TRPM6: variants seen among roughly 807,000 people sequenced by gnomAD.
TRPM6 encodes the protein channel kinase 2.
Under a neutral mutation model 247.6 loss-of-function variants are expected in TRPM6, and 111 were observed. The observed-to-expected ratio is 0.45, with a 90% CI of 0.38 to 0.52. The LOEUF is 0.52. TRPM6 is among the 20% of genes least tolerant of loss of function. TRPM6 has a pLI of 0.00. For synonymous variants in TRPM6, 892 were observed against 853.8 expected (o/e 1.04, Z -0.78); for missense variants, 2,126 against 2,421.5 (o/e 0.88, Z 2.56).
chr9:74,884,349 C>T (rs950087876), intron 1 of TRPM6, among the ~76,000 whole-genome samples: 10 of 151,924 alleles, frequency 6.6e-5, no homozygotes, highest in South Asian at 4.1e-4. Flanking sequence ...ATGAGCCGGG[C>T]GTGGTGGCGG....
chr9:74,875,317 T>A (rs964214094), intron 1 of TRPM6: 9 of 451,614 alleles, frequency 2.0e-5, no homozygotes, highest in African/African-American at 1.6e-4. Context: ...CCGAGGTGGG[T>A]GGATCACCTC....
intron 2 of TRPM6, among the ~76,000 whole-genome samples, chr9:74,857,381 A>G (rs1830558909): frequency 1.3e-5 from 2 of 152,318 alleles, no homozygotes; most frequent in African/African-American, 2.4e-5. Flanking sequence ...CCTTAAAGGC[A>G]TATAAGGACA....
At chr9:74,785,810 A>T (rs532827097) in intron 21 of TRPM6, 64 bp downstream of exon 21, 8 of 1,587,526 alleles carry the variant, frequency 5.0e-6, no homozygotes, top group Admixed American at 5.0e-5. Context: ...GGTGTGAGCC[A>T]CCACACCTGG....
chr9:74,729,102 AT>A (rs1825433478), intron 37 of TRPM6, among the ~76,000 whole-genome samples: 2 of 152,240 alleles, frequency 1.3e-5, no homozygotes, highest in Admixed American at 1.3e-4. Flanking sequence ...CATTCTTTGG[AT>A]TTTGACACTG....
intron 24 of TRPM6, among the ~76,000 whole-genome samples, chr9:74,773,441 C>A (rs1212043220): frequency 6.6e-6 from 1 of 152,186 alleles, no homozygotes; most frequent in Non-Finnish European, 1.5e-5. Flanking sequence ...CCTTCTCTGA[C>A]ACAATTATAA....
intron 23 of TRPM6, among the ~76,000 whole-genome samples, chr9:74,778,872 TG>T (rs1186322984): frequency 6.6e-6 from 1 of 152,018 alleles, no homozygotes; most frequent in Admixed American, 6.6e-5. Flanking sequence ...CCCTAGTGAC[TG>T]GGAGTGCACC....
At chr9:74,827,366 G>T (rs1829372905) in intron 7 of TRPM6, among the ~76,000 whole-genome samples, 1 of 151,948 alleles carries the variant, frequency 6.6e-6, no homozygotes, top group Non-Finnish European at 1.5e-5. Context: ...TCTGGCTTCG[G>T]GTTCCCTATG....
intron 1 of TRPM6, among the ~76,000 whole-genome samples, chr9:74,864,940 G>T (rs1830799645): frequency 6.6e-6 from 1 of 151,982 alleles, no homozygotes; most frequent in Non-Finnish European, 1.5e-5. Flanking sequence ...ACGCGCAGTC[G>T]TGGGCGCCTG....
chr9:74,761,652 C>A (rs1238631538), intron 27 of TRPM6, 44 bp downstream of exon 27: 1 of 1,249,444 alleles, frequency 8.0e-7, no homozygotes, highest in Non-Finnish European at 1.2e-6. Flanking sequence ...AGGCCACTAC[C>A]TTGACTGCTC....
chr9:74,765,094 C>T (rs1796419857), intron 25 of TRPM6, among the ~76,000 whole-genome samples: 1 of 152,184 alleles, frequency 6.6e-6, no homozygotes, highest in East Asian at 1.9e-4. Context: ...GAAACATAAT[C>T]TTACTATGCT....
At chr9:74,746,343 T>C (rs1157229207) in intron 31 of TRPM6, among the ~76,000 whole-genome samples, 1 of 152,026 alleles carries the variant, frequency 6.6e-6, no homozygotes, top group Non-Finnish European at 1.5e-5. Context: ...TGTGAAAAAA[T>C]GGAAGACAAG....
rs1437741662 is a variant in TRPM6 at position 74,834,055 on chromosome 9, T to C, written c.612A>G (p.Thr204=). The change falls in exon 6 of 39, where the codon ACA becomes ACG. Residue 204 remains threonine, a synonymous_variant. Coordinates refer to ENST00000360774, the MANE Select transcript of TRPM6 (RefSeq NM_017662.5). ...TGACACCCCAAGGAGGGATTCCAAC[T>C]GTCCAGATTTTTCTCAAGGAATGAG... is the stretch of plus-strand genomic sequence containing the variant. ...HSSHSLRKIW[T]VGIPPWGVIE... is the part of the protein sequence containing the mutation. 1.2e-6 allele frequency: 2 copies of C among 1,614,014 alleles called. No individual in the cohort carries two copies. Among genetic ancestry groups the C allele is most frequent in the African/African-American group, 1.3e-5 (1 of 74,930 alleles).
At chr9:74,725,995 T>C (rs183327246) in intron 38 of TRPM6, among the ~76,000 whole-genome samples, 89 of 152,198 alleles carry the variant, frequency 5.8e-4, no homozygotes, top group Non-Finnish European at 7.5e-4. Flanking sequence ...ATGCCCTTTA[T>C]ACTATCCTAA....
At chr9:74,867,156 G>A (rs1003190586) in intron 1 of TRPM6, among the ~76,000 whole-genome samples, 1 of 152,184 alleles carries the variant, frequency 6.6e-6, no homozygotes, top group Non-Finnish European at 1.5e-5. Context: ...ACAGAGACAT[G>A]TAGTTGAAAA....
rs1306358831 is a variant in TRPM6, at chr9:74,758,174, T to C, written c.4786-2701A>G. 3.3e-5 allele frequency among the ~76,000 whole-genome samples: 5 copies of C among 152,264 alleles called. No individual in the cohort carries two copies. In the South Asian group the frequency reaches 6.2e-4, roughly 19 times the overall value. The stretch of plus-strand genomic sequence containing the variant: ...GTTAAAAGCTTTCCCACAAAGATGG[T>C]TTCATTGGTTAATTCTACGAATACT... On this transcript the variant is annotated intron_variant, in intron 27 of 38. Coordinates refer to ENST00000360774, the MANE Select transcript of TRPM6 (RefSeq NM_017662.5).
chr9:74,778,880 C>T (rs1827319874), intron 23 of TRPM6, among the ~76,000 whole-genome samples: 1 of 152,082 alleles, frequency 6.6e-6, no homozygotes, highest in Non-Finnish European at 1.5e-5. Context: ...ACTGGGAGTG[C>T]ACCACCTCAC....
At position 74,781,469 on chromosome 9, in the gene TRPM6, G is replaced by C. The variant is rs570210349; in HGVS notation, c.3209+893C>G. On this transcript the variant is annotated intron_variant, in intron 23 of 38. Coordinates refer to ENST00000360774, the MANE Select transcript of TRPM6 (RefSeq NM_017662.5). ...GAGAATTGCTTGAACCCAGGAGGCA[G>C]AGGTTGCAGTGAGCTGGGGTCACAC... 2.8e-5 allele frequency among the ~76,000 whole-genome samples: 4 copies of C among 144,402 alleles called. No individual in the cohort carries two copies. In the East Asian group the frequency reaches 8.2e-4, roughly 29 times the overall value. The allele number at this position is 144,402 out of a possible 152,430, so 94.7% of individuals were successfully genotyped here.
rs1057515627 is a variant in TRPM6, at chr9:74,722,616, G to T, written c.*1997C>A. 6.6e-6 allele frequency: 1 copy of T among 152,174 alleles called. No individual in the cohort carries two copies. Among genetic ancestry groups the T allele is most frequent in the East Asian group, 1.9e-4 (1 of 5,188 alleles). The allele number at this position is 152,174 out of a possible 1,614,324, so 9.4% of individuals were successfully genotyped here. A position where few individuals can be genotyped will look rare whatever the true frequency, so the allele number is the denominator to read the frequency against. On this transcript the variant is annotated 3_prime_UTR_variant, in exon 39 of 39. Coordinates refer to ENST00000360774, the MANE Select transcript of TRPM6 (RefSeq NM_017662.5). ...GCAAACTCTGCCTCTTTCCATAGTT[G>T]AGTGCAGCACTGAGGTGAGTACCAA...
At position 74,858,140 on chromosome 9, in the gene TRPM6, G is replaced by C. The variant is rs186491928; in HGVS notation, c.113+529C>G. Among the ~76,000 whole-genome samples, 83 of 152,278 alleles carry C rather than the reference G, an allele frequency of 5.5e-4. 2 individuals carry two copies. Among genetic ancestry groups the C allele is most frequent in the Admixed American group, 5.1e-3 (78 of 15,292 alleles). ...TCGGTGGCTCACGCCTGTAATCCCA[G>C]CACTTTGGGAGGCCGAGGTGGGTGG... On this transcript the variant is annotated intron_variant, in intron 2 of 38. Transcript: ENST00000360774.
Sources: gnomAD v4.1 joint callset for allele counts (sites outside exome capture counted in the v4.1 genomes callset) on GRCh38, gnomAD v4.1.1 for gene constraint, MANE v1.5 for transcripts, NCBI Gene and HGNC (gene_info 2026-07-23, HGNC 2026-07-21) for gene names.